Variants in SARNP observed in about 807,000 individuals in gnomAD.
SARNP encodes the protein SAP domain containing ribonucleoprotein.
Under a neutral mutation model 38.1 loss-of-function variants are expected in SARNP, and 5 were observed. The observed-to-expected ratio is 0.13, with a 90% CI of 0.07 to 0.28. The LOEUF is 0.28. Among genes scored for constraint, SARNP ranks in the 10% least tolerant of loss-of-function variants. The pLI is 1.00. For missense variants in SARNP, 180 were observed against 243.9 expected (o/e 0.74, Z 1.75); for synonymous variants, 84 against 80.6 (o/e 1.04, Z -0.23).
At chr12:55,800,475 T>A in intron 4 of SARNP, 87 bp downstream of exon 4, 4 of 961,498 alleles carry the variant, frequency 4.2e-6, no homozygotes, top group Non-Finnish European at 6.3e-6. Flanking sequence ...AATGGGAACA[T>A]GTAAGAGGTA....
intron 1 of SARNP, among the ~76,000 whole-genome samples, chr12:55,814,277 C>A (rs1174895216): frequency 1.3e-5 from 2 of 152,224 alleles, no homozygotes; most frequent in African/African-American, 4.8e-5. Flanking sequence ...CAAAGGCTCC[C>A]AGCCCTACTT....
chr12:55,797,149 C>A (rs895176246), intron 4 of SARNP, among the ~76,000 whole-genome samples: 1 of 152,178 alleles, frequency 6.6e-6, no homozygotes, highest in African/African-American at 2.4e-5. Flanking sequence ...AACACTTTTC[C>A]CATTTGATGC....
At chr12:55,796,145 A>C in intron 4 of SARNP, 69 bp from the exon 5 acceptor site, 2 of 1,116,722 alleles carry the variant, frequency 1.8e-6, no homozygotes, top group South Asian at 1.3e-5. Context: ...GAAATGTGTA[A>C]GAATTCACCT....
At chr12:55,752,534 TATG>T (rs2136169953), downstream of SARNP, 1 of 152,346 alleles carries the variant, frequency 6.6e-6, no homozygotes. Context: ...CCTCCCACCT[TATG>T]ATGTGTGTGG....
intron 5 of SARNP, 100 bp from the exon 6 acceptor site, chr12:55,794,980 AAAAG>A (rs1879780296): frequency 1.1e-5 from 7 of 651,954 alleles, no homozygotes. Context: ...AAAAAAAAAA[AAAAG>A]AGTCTCACTC....
chr12:55,794,079 A>G (rs1879751632), intron 7 of SARNP: 1 of 415,328 alleles, frequency 2.4e-6, no homozygotes, highest in African/African-American at 2.1e-5. Context: ...TTGAGACCCC[A>G]GAATAAGTAA....
chr12:55,769,867 G>A (rs1268512571), intron 9 of SARNP, among the ~76,000 whole-genome samples: 1 of 152,188 alleles, frequency 6.6e-6, no homozygotes, highest in Non-Finnish European at 1.5e-5. Context: ...GATTTTTAAG[G>A]TCAACTAGCT....
Position 55,800,871 on chromosome 12 carries a change from G to A in SARNP, c.166C>T (p.Leu56=), listed in dbSNP as rs780565059. ...AEEEANEEDV[L]GDETEEEETK... The stretch of plus-strand genomic sequence containing the variant: ...CAACTCACCTCTGTTTCATCTCCCA[G>A]TACATCTTCTTCATTTGCCTCCTCT... Residue 56 remains leucine, a synonymous_variant, in exon 3 of 11, where the codon CTG becomes TTG. Coordinates refer to ENST00000336133, the MANE Select transcript of SARNP (RefSeq NM_033082.4). The A allele has an allele frequency of 5.6e-6, 9 of 1,613,130 alleles. No homozygotes were observed. Among genetic ancestry groups the A allele is most frequent in the Non-Finnish European group, 7.6e-6 (9 of 1,179,220 alleles).
At chr12:55,762,896 C>T (rs1200425862) in intron 9 of SARNP, among the ~76,000 whole-genome samples, 5 of 152,180 alleles carry the variant, frequency 3.3e-5, no homozygotes, top group Non-Finnish European at 7.3e-5. Flanking sequence ...GGCAGGAGTA[C>T]TGTCTTGGTC....
intron 9 of SARNP, among the ~76,000 whole-genome samples, chr12:55,766,621 G>A (rs1262669339): frequency 2.3e-5 from 3 of 129,478 alleles, no homozygotes; most frequent in African/African-American, 6.3e-5. Context: ...TTTGGCGGGG[G>A]GGGGGGGGGG....
intron 5 of SARNP, among the ~76,000 whole-genome samples, 172 bp from the exon 6 acceptor site, chr12:55,795,052 T>A (rs1398827146): frequency 6.6e-6 from 1 of 150,912 alleles, no homozygotes; most frequent in East Asian, 1.9e-4. Flanking sequence ...CTCAGCCTCC[T>A]GGGTTCGAGC....
At chr12:55,804,688 G>A (rs1880084721) in intron 1 of SARNP, among the ~76,000 whole-genome samples, 2 of 152,054 alleles carry the variant, frequency 1.3e-5, no homozygotes, top group Admixed American at 1.3e-4. Context: ...GCCTTACTGG[G>A]CTCTATACTC....
intron 1 of SARNP, 60 bp downstream of exon 1, chr12:55,817,606 T>C: frequency 6.6e-7 from 1 of 1,514,810 alleles, no homozygotes; most frequent in Non-Finnish European, 9.0e-7. Flanking sequence ...AGGCGCAAGC[T>C]ACCCTGTAGA....
At chr12:55,793,829 C>T (rs1318103927) in intron 7 of SARNP, 1 of 153,662 alleles carries the variant, frequency 6.5e-6, no homozygotes, top group African/African-American at 2.4e-5. Flanking sequence ...GCACAGTAGT[C>T]TGCTATACCA....
At chr12:55,808,270 G>GC (rs201144126) in intron 1 of SARNP, among the ~76,000 whole-genome samples, 29 of 151,962 alleles carry the variant, frequency 1.9e-4, no homozygotes. Flanking sequence ...ACAGCTTTGA[G>GC]CCCCGGAGTT....
chr12:55,762,922 T>G (rs1878719857), intron 9 of SARNP, among the ~76,000 whole-genome samples: 1 of 152,198 alleles, frequency 6.6e-6, no homozygotes, highest in African/African-American at 2.4e-5. Flanking sequence ...CTCTTTCAGC[T>G]TGAGAAAGAT....
intron 2 of SARNP, among the ~76,000 whole-genome samples, chr12:55,801,287 A>T (rs985286973): frequency 4.6e-5 from 7 of 152,072 alleles, no homozygotes; most frequent in African/African-American, 1.4e-4. Flanking sequence ...CAAAAAACAT[A>T]AAAAAATTAG....
chr12:55,808,085 C>T (rs370393110), intron 1 of SARNP, among the ~76,000 whole-genome samples: 81 of 152,268 alleles, frequency 5.3e-4, no homozygotes, highest in Admixed American at 1.3e-3. Context: ...CTGTGCCCAG[C>T]CTACACACAG....
At chr12:55,789,890 G>C (rs1879611445) in intron 8 of SARNP, among the ~76,000 whole-genome samples, 1 of 146,896 alleles carries the variant, frequency 6.8e-6, no homozygotes, top group Non-Finnish European at 1.5e-5. Context: ...GTTGCAGTAA[G>C]CTGAGATCGC....
Sources: allele counts gnomAD v4.1 joint callset (sites outside exome capture counted in the v4.1 genomes callset), GRCh38; gene constraint gnomAD v4.1.1; transcripts MANE v1.5; gene names NCBI Gene and HGNC (gene_info 2026-07-23, HGNC 2026-07-21).